TMEM265: variants seen among roughly 807,000 people sequenced by gnomAD.
TMEM265 encodes the protein transmembrane protein 265.
In TMEM265, 8 loss-of-function variants were observed where a neutral mutation model predicts 9.5. The ratio of observed to expected loss-of-function variants is 0.84; its 90% CI spans 0.49 to 1.52. The LOEUF (loss-of-function observed/expected upper bound fraction) is 1.52, where lower values mean the gene tolerates loss of function less well. Ranked by LOEUF, TMEM265 falls within the 40% of genes most tolerant of loss-of-function variation. The pLI is 0.00. For missense variants in TMEM265, 152 were observed against 146.2 expected, an observed-to-expected ratio of 1.04 and a Z score of -0.21; for synonymous variants, 53 against 56.9, an observed-to-expected ratio of 0.93 and a Z score of 0.31.
Position 30,741,785 on chromosome 16 carries a change from G to T in TMEM265, c.42G>T (p.Thr14=), listed in dbSNP as rs1362453441. The T allele has an allele frequency of 6.5e-7, 1 of 1,532,440 alleles. No individual in the cohort carries two copies. The highest frequency in any genetic ancestry group is 1.4e-5 in the African/African-American group (1 of 72,576). 94.9% of individuals were successfully genotyped at this position (1,532,440 alleles called of 1,614,324 possible). ...AGGCAGTGGAGATCTTGGGCAACAC[G>T]GAAGCTGCTCATCCTCCATCCCCCA... ...EEKAVEILGN[T]EAAHPPSPIR... Residue 14 remains threonine (T), a synonymous_variant, in exon 2 of 3, where the codon ACG becomes ACT. Transcript: ENST00000615541.
At position 30,744,156 on chromosome 16, in the gene TMEM265, G is replaced by A. The variant is rs2053242251; in HGVS notation, c.*213G>A. 3.9e-6 allele frequency: 2 copies of A among 506,484 alleles called. No homozygotes were observed. The highest frequency in any genetic ancestry group is 7.4e-5 in the Admixed American group (2 of 26,914). 31.4% of individuals were successfully genotyped at this position (506,484 alleles called of 1,614,324 possible). On this transcript the variant is annotated 3_prime_UTR_variant, in exon 3 of 3. Transcript: ENST00000615541. Reference sequence around the variant, plus strand: ...AGGGCAGCCTGCTCTGTTCTTTCAGGGCCCCCCACCCCCATCTCCCCTACC... The same window carrying A: ...AGGGCAGCCTGCTCTGTTCTTTCAGAGCCCCCCACCCCCATCTCCCCTACC...
intron 2 of TMEM265, among the ~76,000 whole-genome samples, chr16:30,743,424 T>C (rs1284006939): frequency 6.6e-6 from 1 of 152,056 alleles, no homozygotes; most frequent in Non-Finnish European, 1.5e-5. Context: ...CCCATTGGGC[T>C]ATGAGAATGA....
At chr16:30,742,021 T>C in intron 2 of TMEM265, 113 bp downstream of exon 2, 1 of 1,138,232 alleles carries the variant, frequency 8.8e-7, no homozygotes, top group South Asian at 1.6e-5. Flanking sequence ...CTGGGCCTAG[T>C]GCCAGAAATA....
At chr16:30,741,626 C>A in intron 1 of TMEM265, 115 bp from the exon 2 acceptor site, 2 of 1,164,458 alleles carry the variant, frequency 1.7e-6, no homozygotes, top group Non-Finnish European at 2.3e-6. Context: ...AGGCAACATT[C>A]CTGAGTGCCA....
chr16:30,743,839 G>A lies in TMEM265; in HGVS notation c.223G>A (p.Ala75Thr), dbSNP rs761623338. 1 of 1,533,842 alleles carries A rather than the reference G, an allele frequency of 6.5e-7. No individual in the cohort carries two copies. Among genetic ancestry groups the A allele is most frequent in the Non-Finnish European group, 8.7e-7 (1 of 1,146,692 alleles). Residue 75 changes from alanine to threonine, a missense_variant, in exon 3 of 3, where the codon GCC becomes ACC. Coordinates refer to ENST00000615541, the MANE Select transcript of TMEM265 (RefSeq NM_001256829.2). ...SEEAVRWGAR[A>T]RKLILASFAV... is the part of the protein sequence containing the mutation. ...GGAGGCAGTGCGCTGGGGGGCCCGGGCCCGGAAACTCATCCTGGCCAGCTT... is the reference window on the plus strand; with the variant it reads ...GGAGGCAGTGCGCTGGGGGGCCCGGACCCGGAAACTCATCCTGGCCAGCTT...
chr16:30,742,808 C>T (rs192575416), intron 2 of TMEM265, among the ~76,000 whole-genome samples: 65 of 151,292 alleles, frequency 4.3e-4, no homozygotes, highest in Non-Finnish European at 7.1e-4. Flanking sequence ...TGCCTGTAAT[C>T]CCAGCTACTG....
intron 2 of TMEM265, among the ~76,000 whole-genome samples, chr16:30,742,753 C>T (rs568777426): frequency 2.0e-5 from 3 of 151,576 alleles, no homozygotes; most frequent in Non-Finnish European, 4.4e-5. Context: ...TGGTAAAACC[C>T]CGTCTCTACT....
intron 2 of TMEM265, among the ~76,000 whole-genome samples, chr16:30,742,409 G>C (rs2053231618): frequency 6.6e-6 from 1 of 152,152 alleles, no homozygotes. Flanking sequence ...TAAGAGTTTT[G>C]ACTTTATCTT....
intron 2 of TMEM265, among the ~76,000 whole-genome samples, chr16:30,742,924 C>A (rs1387484442): frequency 5.2e-5 from 6 of 114,690 alleles, no homozygotes; most frequent in African/African-American, 9.5e-5. Flanking sequence ...GACTCTGTCT[C>A]AAAAAAAAAA....
chr16:30,743,686 T>C lies in TMEM265; in HGVS notation c.166-96T>C, dbSNP rs2053238492. ...GGAGGTAGAGGGTTTGGATGTGAGA[T>C]TTTGATCCGTGACAGGGAAGGGGGA... On this transcript the variant is annotated intron_variant, in intron 2 of 2. Transcript: ENST00000615541. The C allele has an allele frequency of 1.1e-5, 15 of 1,381,360 alleles. No homozygotes were observed. In the East Asian group the frequency reaches 3.8e-4, roughly 35 times the overall value. 85.6% of individuals were successfully genotyped at this position (1,381,360 alleles called of 1,614,324 possible). A position where few individuals can be genotyped will look rare whatever the true frequency, so the allele number is the denominator to read the frequency against.
chr16:30,741,662 C>T (rs761243143), intron 1 of TMEM265, 79 bp from the exon 2 acceptor site: 121 of 1,424,318 alleles, frequency 8.5e-5, no homozygotes, highest in Non-Finnish European at 1.1e-4. Context: ...ACAGAATGCT[C>T]TGAGAGGGGT....
chr16:30,743,566 G>C (rs1406948586), intron 2 of TMEM265, among the ~76,000 whole-genome samples: 1 of 152,168 alleles, frequency 6.6e-6, no homozygotes, highest in Non-Finnish European at 1.5e-5. Context: ...TCCCATAGGC[G>C]ATCTTGTGAG....
intron 2 of TMEM265, 95 bp downstream of exon 2, chr16:30,742,003 T>G (rs767143082): frequency 1.5e-6 from 2 of 1,309,204 alleles, no homozygotes; most frequent in Non-Finnish European, 2.1e-6. Flanking sequence ...TGAATACCTA[T>G]CAGTGCTCTG....
rs1467420750 is a variant in TMEM265, at chr16:30,742,933, A to C, written c.166-849A>C. 3.0e-3 allele frequency among the ~76,000 whole-genome samples: 450 copies of C among 148,144 alleles called. 3 individuals carry two copies. Among genetic ancestry groups the C allele is most frequent in the African/African-American group, 0.01 (396 of 37,888 alleles). ...AAGCAAGACTCTGTCTCAAAAAAAAAAAAAAACAAAAAAAAACAGCACATG... is the reference window on the plus strand; with the variant it reads ...AAGCAAGACTCTGTCTCAAAAAAAACAAAAAACAAAAAAAAACAGCACATG... On this transcript the variant is annotated intron_variant, in intron 2 of 2. Coordinates refer to ENST00000615541, the MANE Select transcript of TMEM265 (RefSeq NM_001256829.2).
chr16:30,741,047 CTG>C (rs1306506748), intron 1 of TMEM265: 1 of 152,170 alleles, frequency 6.6e-6, no homozygotes, highest in African/African-American at 2.4e-5. Context: ...TTGCAGGTTT[CTG>C]TGTGGTAATG....
chr16:30,742,127 A>T (rs563133366), intron 2 of TMEM265, among the ~76,000 whole-genome samples: 1 of 152,188 alleles, frequency 6.6e-6, no homozygotes, highest in Non-Finnish European at 1.5e-5. Context: ...GTTCATCAGT[A>T]CCGTAATACA....
rs1410439449 is a variant in TMEM265 at position 30,743,896 on chromosome 16, C to T, written c.280C>T (p.Pro94Ser). 3.9e-6 allele frequency: 6 copies of T among 1,533,970 alleles called. No individual in the cohort carries two copies. The highest frequency in any genetic ancestry group is 5.2e-6 in the Non-Finnish European group (6 of 1,146,720). The stretch of plus-strand genomic sequence containing the variant: ...CTGGCTTGCTGTCCTCATTCTGGGT[C>T]CCCTGCTGCTGTGGTTGCTCTCCTA... ...AVWLAVLILG[P>S]LLLWLLSYAI... Residue 94 changes from proline to serine, a missense_variant, in exon 3 of 3, where the codon CCC becomes TCC. Pro to Ser is a moderately conservative substitution (Grantham distance 74). Coordinates refer to ENST00000615541, the MANE Select transcript of TMEM265 (RefSeq NM_001256829.2).
rs1241369344 is a variant in TMEM265, at chr16:30,744,086, C to T, written c.*143C>T. 10 of 966,688 alleles carry T rather than the reference C, an allele frequency of 1.0e-5. No individual in the cohort carries two copies. The highest frequency in any genetic ancestry group is 6.6e-5 in the African/African-American group (4 of 60,664). 59.9% of individuals were successfully genotyped at this position (966,688 alleles called of 1,614,324 possible). The stretch of plus-strand genomic sequence containing the variant: ...CTCAAGGGGCTTTGGAAGAGCTCTT[C>T]TAGCCCTTTATAAAAGGAGGGCAGC... On this transcript the variant is annotated 3_prime_UTR_variant, in exon 3 of 3. Transcript: ENST00000615541.
In TMEM265 at chr16:30,743,992, A is replaced by G; in HGVS notation, c.*49A>G. Reference sequence around the variant, plus strand: ...CCAGCCGAGACCTCCTGGATCCTGCAATGCGGCATTGCTAAGGTCCTGTGA... The same window carrying G: ...CCAGCCGAGACCTCCTGGATCCTGCGATGCGGCATTGCTAAGGTCCTGTGA... On this transcript the variant is annotated 3_prime_UTR_variant, in exon 3 of 3. Transcript: ENST00000615541. The G allele has an allele frequency of 3.3e-6, 5 of 1,506,102 alleles. No individual in the cohort carries two copies. Among genetic ancestry groups the G allele is most frequent in the Non-Finnish European group, 4.4e-6 (5 of 1,130,232 alleles). The allele number at this position is 1,506,102 out of a possible 1,614,324, so 93.3% of individuals were successfully genotyped here. A position where few individuals can be genotyped will look rare whatever the true frequency, so the allele number is the denominator to read the frequency against.
Sources: allele counts gnomAD v4.1 joint callset (sites outside exome capture counted in the v4.1 genomes callset), GRCh38; gene constraint gnomAD v4.1.1; transcripts MANE v1.5; gene names NCBI Gene and HGNC (gene_info 2026-07-23, HGNC 2026-07-21).